The following MITF variants were observed in gnomAD, a reference collection of about 807,000 sequenced individuals.
MITF encodes melanocyte inducing transcription factor.
MITF carries 17 observed loss-of-function variants against 60.5 expected under a neutral mutation model. That is an observed-to-expected ratio of 0.28 (90% CI 0.19 to 0.42). MITF has a LOEUF of 0.42. Among genes scored for constraint, MITF ranks in the 10% least tolerant of loss-of-function variants. The pLI is 1.00. For synonymous variants in MITF, 260 were observed against 248.5 expected (o/e 1.05, Z -0.43); for missense variants, 622 against 683.5 (o/e 0.91, Z 1.00).
At position 69,779,075 on chromosome 3, in the gene MITF, T is replaced by C. The variant is rs562438627; in HGVS notation, c.104+39374T>C. On this transcript the variant is annotated intron_variant, in intron 1 of 9. Coordinates refer to ENST00000352241, the MANE Select transcript of MITF (RefSeq NM_001354604.2). ...TATTCGGGGTATCATGAAGTGCAAA[T>C]ATTTGTCCTTTGCTGCAGTTTAATT... 2.0e-5 allele frequency: 3 copies of C among 152,318 alleles called. No homozygotes were observed. In the South Asian group the frequency reaches 6.2e-4, roughly 32 times the overall value. The allele number at this position is 152,318 out of a possible 1,614,324, so 9.4% of individuals were successfully genotyped here. A position where few individuals can be genotyped will look rare whatever the true frequency, so the allele number is the denominator to read the frequency against.
intron 1 of MITF, among the ~76,000 whole-genome samples, chr3:69,842,472 T>C (rs983876683): frequency 6.6e-6 from 1 of 152,194 alleles, no homozygotes; most frequent in African/African-American, 2.4e-5. Context: ...TGGTGAGTTA[T>C]TATGCAGTGG....
At chr3:69,753,156 T>C (rs1213750337) in intron 1 of MITF, among the ~76,000 whole-genome samples, 4 of 152,064 alleles carry the variant, frequency 2.6e-5, no homozygotes, top group Non-Finnish European at 5.9e-5. Context: ...CTCCACATCC[T>C]AGTTGCTCCA....
At chr3:69,917,661 A>G (rs2065366320) in intron 2 of MITF, among the ~76,000 whole-genome samples, 1 of 152,114 alleles carries the variant, frequency 6.6e-6, no homozygotes. Context: ...GGATCCTACA[A>G]CATGTAAAGA....
intron 1 of MITF, among the ~76,000 whole-genome samples, chr3:69,773,170 A>T (rs1191140437): frequency 6.6e-6 from 1 of 152,180 alleles, no homozygotes; most frequent in Non-Finnish European, 1.5e-5. Flanking sequence ...GAGTAAGTAC[A>T]TAGTATCTGG....
chr3:69,750,457 T>C (rs1431988120), intron 1 of MITF, among the ~76,000 whole-genome samples: 6 of 142,266 alleles, frequency 4.2e-5, no homozygotes, highest in Non-Finnish European at 7.6e-5. Flanking sequence ...GGCCTGACAA[T>C]ACAAGTGACA....
intron 5 of MITF, among the ~76,000 whole-genome samples, chr3:69,941,738 G>A (rs1271066645): frequency 6.6e-6 from 1 of 152,310 alleles, no homozygotes; most frequent in African/African-American, 2.4e-5. Flanking sequence ...TTAGGTGATA[G>A]AGGGACATTG....
intron 1 of MITF, among the ~76,000 whole-genome samples, chr3:69,784,653 A>G (rs1389904330): frequency 6.6e-6 from 1 of 152,142 alleles, no homozygotes; most frequent in African/African-American, 2.4e-5. Context: ...GAGGAAGCTG[A>G]ACTAGCCAGC....
chr3:69,866,288 A>G, intron 1 of MITF: 1 of 1,613,662 alleles, frequency 6.2e-7, no homozygotes, highest in Non-Finnish European at 8.5e-7. Context: ...TAAAGGAAAA[A>G]AGATGGAGGC....
intron 2 of MITF, among the ~76,000 whole-genome samples, chr3:69,925,528 C>A (rs2065565780): frequency 6.6e-6 from 1 of 152,152 alleles, no homozygotes; most frequent in Non-Finnish European, 1.5e-5. Flanking sequence ...AAGAAGAAGC[C>A]AAGGGCATTT....
chr3:69,904,474 T>G (rs1022528606), intron 2 of MITF, among the ~76,000 whole-genome samples: 2 of 152,146 alleles, frequency 1.3e-5, no homozygotes, highest in Non-Finnish European at 2.9e-5. Context: ...TATCCATTCT[T>G]GGCCAAATCC....
intron 6 of MITF, among the ~76,000 whole-genome samples, chr3:69,950,661 A>G (rs80248693): frequency 0.014 from 2,070 of 150,168 alleles, 23 homozygotes; most frequent in Middle Eastern, 0.05. Context: ...TTCAGTGGCT[A>G]TAAGTTATGC....
intron 1 of MITF, among the ~76,000 whole-genome samples, chr3:69,817,467 T>A (rs1428426579): frequency 1.3e-5 from 2 of 152,036 alleles, no homozygotes; most frequent in East Asian, 3.9e-4. Flanking sequence ...CAGGTAAAAT[T>A]TTAAAATATG....
intron 2 of MITF, among the ~76,000 whole-genome samples, chr3:69,932,289 A>G (rs1465183146): frequency 1.3e-5 from 2 of 152,206 alleles, no homozygotes; most frequent in Non-Finnish European, 2.9e-5. Flanking sequence ...CATGTCAACT[A>G]ATGGGTGTGG....
intron 5 of MITF, among the ~76,000 whole-genome samples, chr3:69,945,279 C>A (rs928768149): frequency 6.6e-5 from 10 of 152,284 alleles, no homozygotes; most frequent in Non-Finnish European, 1.3e-4. Flanking sequence ...GGCATAGACC[C>A]AGGCGCATCT....
intron 1 of MITF, among the ~76,000 whole-genome samples, chr3:69,743,161 A>G (rs950834719): frequency 2.0e-5 from 3 of 152,136 alleles, no homozygotes; most frequent in African/African-American, 4.8e-5. Context: ...CCTGGCCTCT[A>G]TCTATTAGAG....
chr3:69,904,399 A>G (rs2107360913), intron 2 of MITF, among the ~76,000 whole-genome samples: 1 of 152,286 alleles, frequency 6.6e-6, no homozygotes, highest in African/African-American at 2.4e-5. Context: ...CTAGCATGAA[A>G]AATAGTGACA....
intron 1 of MITF, among the ~76,000 whole-genome samples, chr3:69,791,030 CT>C (rs1234147901): frequency 1.3e-5 from 2 of 152,306 alleles, no homozygotes; most frequent in Admixed American, 1.3e-4. Flanking sequence ...GTTTCTGCTT[CT>C]GTTTGAGGTC....
chr3:69,943,175 T>C (rs2066011058), intron 5 of MITF, among the ~76,000 whole-genome samples: 2 of 151,502 alleles, frequency 1.3e-5, no homozygotes, highest in Admixed American at 1.3e-4. Flanking sequence ...TAGCTGGGAT[T>C]ATAGGTGTGT....
chr3:69,752,864 C>T (rs1703985719), intron 1 of MITF, among the ~76,000 whole-genome samples: 1 of 152,192 alleles, frequency 6.6e-6, no homozygotes, highest in South Asian at 2.1e-4. Flanking sequence ...ACGTGAGATG[C>T]CTCACTCCCC....
Sources: gnomAD v4.1 joint callset for allele counts (sites outside exome capture counted in the v4.1 genomes callset) on GRCh38, gnomAD v4.1.1 for gene constraint, MANE v1.5 for transcripts, NCBI Gene and HGNC (gene_info 2026-07-23, HGNC 2026-07-21) for gene names.